NECAB1: variants seen among roughly 807,000 people sequenced by gnomAD.
NECAB1 encodes the protein N-terminal EF-hand calcium binding protein 1, also known as N-terminal EF-hand calcium-binding protein 1.
In NECAB1, 29 loss-of-function variants were observed where a neutral mutation model predicts 57.5. That is an observed-to-expected ratio of 0.50 (90% CI 0.38 to 0.69). The LOEUF (loss-of-function observed/expected upper bound fraction) is 0.69. NECAB1 is among the 30% of genes least tolerant of loss of function. The pLI is 0.00. For synonymous variants in NECAB1, 142 were observed against 147.7 expected (o/e 0.96, Z 0.28); for missense variants, 372 against 413.8 (o/e 0.90, Z 0.88).
At chr8:90,941,463 C>A (rs1451439669) in intron 10 of NECAB1, among the ~76,000 whole-genome samples, 1 of 152,208 alleles carries the variant, frequency 6.6e-6, no homozygotes, top group South Asian at 2.1e-4. Context: ...ATATCTCAAG[C>A]TACTAAAATA....
intron 1 of NECAB1, among the ~76,000 whole-genome samples, chr8:90,797,693 T>G (rs914576203): frequency 6.6e-6 from 1 of 152,252 alleles, no homozygotes; most frequent in Non-Finnish European, 1.5e-5. Flanking sequence ...ATCCAGATTA[T>G]TTTCTATTAG....
rs957031282 is a variant in NECAB1 at position 90,925,451 on chromosome 8, A to G, written c.495-84A>G. 2.7e-6 allele frequency: 4 copies of G among 1,500,394 alleles called. No homozygotes were observed. The African/African-American group carries it at 5.6e-5, about 21-fold the overall frequency. The allele number at this position is 1,500,394 out of a possible 1,614,324, so 92.9% of individuals were successfully genotyped here. A position where few individuals can be genotyped will look rare whatever the true frequency, so the allele number is the denominator to read the frequency against. On this transcript the variant is annotated intron_variant, in intron 6 of 12. Coordinates refer to ENST00000417640, the MANE Select transcript of NECAB1 (RefSeq NM_022351.5). ...CATTTTGCTGCACTAGAAAACCTTT[A>G]TGACTGACGCATGAAGATCTCTTCC...
intron 2 of NECAB1, among the ~76,000 whole-genome samples, chr8:90,811,310 A>G (rs1290250427): frequency 2.0e-5 from 2 of 101,300 alleles, no homozygotes; most frequent in Non-Finnish European, 3.9e-5. Flanking sequence ...GCGAAGAGCT[A>G]CAGCAAATGA....
rs769250974 is a variant in NECAB1, at chr8:90,792,051, G to A, written c.99+66G>A. On this transcript the variant is annotated intron_variant, in intron 1 of 12. Transcript: ENST00000417640. ...ACCTTTCTTTTCCCCGAAAGGAAGG[G>A]GTTCGGCTCAGGTGCTGACCAGCCA... 1.4e-5 allele frequency: 19 copies of A among 1,351,360 alleles called. No homozygotes were observed. In the Middle Eastern group the frequency reaches 7.1e-4, roughly 50 times the overall value. The allele number at this position is 1,351,360 out of a possible 1,614,324, so 83.7% of individuals were successfully genotyped here.
chr8:90,937,932 A>T (rs1198670211), intron 9 of NECAB1, among the ~76,000 whole-genome samples: 1 of 152,194 alleles, frequency 6.6e-6, no homozygotes, highest in African/African-American at 2.4e-5. Flanking sequence ...CGACTATCAA[A>T]ATATAAGTCT....
At chr8:90,947,855 T>C (rs1470110420) in intron 10 of NECAB1, among the ~76,000 whole-genome samples, 1 of 152,250 alleles carries the variant, frequency 6.6e-6, no homozygotes, top group Non-Finnish European at 1.5e-5. Flanking sequence ...CATTTCATAC[T>C]GTGTTGTCCT....
chr8:90,913,957 G>A (rs769817806), intron 5 of NECAB1, among the ~76,000 whole-genome samples: 9 of 152,178 alleles, frequency 5.9e-5, no homozygotes, highest in Non-Finnish European at 1.3e-4. Flanking sequence ...CACATGACTG[G>A]GCAAGTCGGG....
intron 3 of NECAB1, among the ~76,000 whole-genome samples, chr8:90,848,764 C>T (rs184045606): frequency 1.3e-5 from 2 of 152,138 alleles, no homozygotes; most frequent in African/African-American, 2.4e-5. Flanking sequence ...GTGGGCGGAT[C>T]ACTTGAGGTA....
At chr8:90,803,451 G>A (rs1343835003) in intron 2 of NECAB1, among the ~76,000 whole-genome samples, 2 of 152,104 alleles carry the variant, frequency 1.3e-5, no homozygotes, top group African/African-American at 4.8e-5. Flanking sequence ...TCTGATTTAG[G>A]TCCACCCTTA....
chr8:90,950,989 A>T (rs981877194), intron 11 of NECAB1, 124 bp from the exon 12 acceptor site: 15 of 451,416 alleles, frequency 3.3e-5, no homozygotes, highest in Non-Finnish European at 4.6e-5. Context: ...AGAAGCTTGT[A>T]TCCAGGAGCT....
At chr8:90,855,479 G>C (rs1323271651) in intron 3 of NECAB1, among the ~76,000 whole-genome samples, 1 of 152,148 alleles carries the variant, frequency 6.6e-6, no homozygotes, top group African/African-American at 2.4e-5. Context: ...TTATGGTCCA[G>C]AACAGATTGG....
chr8:90,917,261 T>A (rs1477125821), intron 5 of NECAB1, among the ~76,000 whole-genome samples: 1 of 152,084 alleles, frequency 6.6e-6, no homozygotes, highest in East Asian at 1.9e-4. Flanking sequence ...GAGGCAGGTA[T>A]ATTGGGAGGC....
At chr8:90,857,664 G>A (rs916337058) in intron 3 of NECAB1, among the ~76,000 whole-genome samples, 3 of 152,074 alleles carry the variant, frequency 2.0e-5, no homozygotes, top group African/African-American at 7.2e-5. Flanking sequence ...AGGCAATAGA[G>A]AAATGTCATT....
chr8:90,858,931 T>C (rs1812845207), intron 3 of NECAB1: 1 of 152,030 alleles, frequency 6.6e-6, no homozygotes, highest in Non-Finnish European at 1.5e-5. Flanking sequence ...ACTCAAACAG[T>C]TGGGGTGTTT....
chr8:90,802,948 G>C (rs1280787808), intron 2 of NECAB1, among the ~76,000 whole-genome samples: 2 of 152,130 alleles, frequency 1.3e-5, no homozygotes, highest in African/African-American at 4.8e-5. Flanking sequence ...CCAGACTGGA[G>C]TGCAGTGGTG....
chr8:90,877,598 C>T (rs2129865930), intron 4 of NECAB1, among the ~76,000 whole-genome samples: 1 of 152,266 alleles, frequency 6.6e-6, no homozygotes, highest in African/African-American at 2.4e-5. Flanking sequence ...TTCAACAGGA[C>T]TGGAAGTGGG....
chr8:90,810,139 T>G (rs547267965), intron 2 of NECAB1, among the ~76,000 whole-genome samples: 1 of 152,328 alleles, frequency 6.6e-6, no homozygotes, highest in African/African-American at 2.4e-5. Flanking sequence ...GATGCTTCAT[T>G]TGCTGTGGCT....
At chr8:90,855,121 C>T (rs1315895497) in intron 3 of NECAB1, among the ~76,000 whole-genome samples, 1 of 152,152 alleles carries the variant, frequency 6.6e-6, no homozygotes, top group Non-Finnish European at 1.5e-5. Context: ...TGGGCAGAAG[C>T]AGTCATTCAG....
intron 12 of NECAB1, among the ~76,000 whole-genome samples, chr8:90,953,086 C>T (rs549353034): frequency 9.4e-4 from 143 of 152,266 alleles, no homozygotes; most frequent in Non-Finnish European, 1.8e-3. Context: ...TGTCATCACA[C>T]CCATTTCCAT....
Sources: gnomAD v4.1 joint callset for allele counts (sites outside exome capture counted in the v4.1 genomes callset) on GRCh38, gnomAD v4.1.1 for gene constraint, MANE v1.5 for transcripts, NCBI Gene and HGNC (gene_info 2026-07-23, HGNC 2026-07-21) for gene names.